Variants in XPR1 observed in about 807,000 individuals in gnomAD.
The protein encoded by XPR1 is xenotropic and polytropic retrovirus receptor 1.
XPR1 carries 28 observed loss-of-function variants against 87.5 expected under a neutral mutation model. The observed-to-expected ratio is 0.32, with a 90% CI of 0.24 to 0.44. The LOEUF (loss-of-function observed/expected upper bound fraction) is 0.44. Ranked by LOEUF, XPR1 falls within the 20% of genes least tolerant of loss-of-function variation. The pLI, the probability that XPR1 is intolerant of heterozygous loss-of-function variation, is 1.00. For synonymous variants in XPR1, 300 were observed against 306.1 expected, an observed-to-expected ratio of 0.98 and a Z score of 0.21; for missense variants, 559 against 862.3, an observed-to-expected ratio of 0.65 and a Z score of 4.41.
intron 1 of XPR1, among the ~76,000 whole-genome samples, chr1:180,659,811 C>A (rs6681637): frequency 0.053 from 8,095 of 151,968 alleles, 304 homozygotes; most frequent in Non-Finnish European, 0.079. Flanking sequence ...GCCACCACGC[C>A]CAGCCTAGTT....
chr1:180,825,369 C>G (rs777858571), intron 9 of XPR1, 25 bp downstream of exon 9: 2 of 1,596,302 alleles, frequency 1.3e-6, no homozygotes, highest in East Asian at 2.2e-5. Flanking sequence ...TTGTGTACCA[C>G]TTTTAGAGTG....
At chr1:180,818,740 T>C (rs565965640) in intron 7 of XPR1, among the ~76,000 whole-genome samples, 12 of 152,276 alleles carry the variant, frequency 7.9e-5, no homozygotes, top group Non-Finnish European at 1.8e-4. Flanking sequence ...CCCTGGAATT[T>C]TTTATGATGA....
intron 11 of XPR1, among the ~76,000 whole-genome samples, chr1:180,844,477 A>G (rs746601778): frequency 3.3e-5 from 5 of 152,318 alleles, no homozygotes; most frequent in Non-Finnish European, 5.9e-5. Flanking sequence ...TGCTAAGTAT[A>G]TGGTACTCTA....
chr1:180,641,839 G>A (rs1216926029), intron 1 of XPR1, among the ~76,000 whole-genome samples: 1 of 152,070 alleles, frequency 6.6e-6, no homozygotes, highest in Non-Finnish European at 1.5e-5. Context: ...TAAGAATATT[G>A]GCCTTCTGCT....
At chr1:180,690,518 C>A (rs1166581438) in intron 2 of XPR1, among the ~76,000 whole-genome samples, 1 of 152,060 alleles carries the variant, frequency 6.6e-6, no homozygotes, top group African/African-American at 2.4e-5. Flanking sequence ...GGTCTTAAAT[C>A]ATAAATGTCC....
At chr1:180,634,931 G>A (rs1654715715) in intron 1 of XPR1, among the ~76,000 whole-genome samples, 1 of 151,688 alleles carries the variant, frequency 6.6e-6, no homozygotes, top group South Asian at 2.1e-4. Context: ...TGCCTTTCCC[G>A]GGCTCGCTCT....
chr1:180,761,454 G>A (rs527247592), intron 2 of XPR1, among the ~76,000 whole-genome samples: 4 of 152,218 alleles, frequency 2.6e-5, no homozygotes, highest in Non-Finnish European at 4.4e-5. Context: ...TCAAAAAGTG[G>A]GCGAAGGATA....
intron 1 of XPR1, among the ~76,000 whole-genome samples, chr1:180,668,534 C>T (rs1212001207): frequency 1.3e-5 from 2 of 152,180 alleles, no homozygotes; most frequent in Non-Finnish European, 2.9e-5. Flanking sequence ...AATTTGAAAT[C>T]CATTCACAGC....
chr1:180,655,837 G>A (rs1655443062), intron 1 of XPR1, among the ~76,000 whole-genome samples: 1 of 151,700 alleles, frequency 6.6e-6, no homozygotes, highest in Non-Finnish European at 1.5e-5. Flanking sequence ...TTTTGTGGAT[G>A]CATAGTAGGT....
At chr1:180,742,907 G>T (rs1192343341) in intron 2 of XPR1, among the ~76,000 whole-genome samples, 2 of 151,834 alleles carry the variant, frequency 1.3e-5, no homozygotes, top group Non-Finnish European at 2.9e-5. Flanking sequence ...TGGTAATTTT[G>T]TTTACTTTGA....
At chr1:180,685,558 A>G (rs1370852224) in intron 2 of XPR1, among the ~76,000 whole-genome samples, 3 of 152,154 alleles carry the variant, frequency 2.0e-5, no homozygotes, top group Non-Finnish European at 4.4e-5. Context: ...TTCAGAAGGA[A>G]TGGTACCAGC....
intron 1 of XPR1, among the ~76,000 whole-genome samples, chr1:180,647,125 C>T (rs775391031): frequency 2.0e-5 from 3 of 152,236 alleles, no homozygotes; most frequent in African/African-American, 7.2e-5. Flanking sequence ...CCCTCGCATG[C>T]GCAGTTCACA....
chr1:180,750,460 T>G (rs1571797873), intron 2 of XPR1, among the ~76,000 whole-genome samples: 1 of 152,224 alleles, frequency 6.6e-6, no homozygotes, highest in East Asian at 1.9e-4. Context: ...AGTAATAGTG[T>G]TTTCCCCTAA....
rs1028094734 is a variant in XPR1, at chr1:180,726,141, C to T, written c.121+43730C>T. On this transcript the variant is annotated intron_variant, in intron 2 of 14. Coordinates refer to ENST00000367590, the MANE Select transcript of XPR1 (RefSeq NM_004736.4). The stretch of plus-strand genomic sequence containing the variant: ...AAGGATTGTAAATGCACGAATCAGC[C>T]CTCTGTAAAAAAACACCAATCAGCG... Among the ~76,000 whole-genome samples, 3 of 151,870 alleles carry T rather than the reference C, an allele frequency of 2.0e-5. No individual in the cohort carries two copies. The South Asian group carries it at 6.2e-4, about 32-fold the overall frequency.
intron 13 of XPR1, 147 bp from the exon 14 acceptor site, chr1:180,879,929 A>AAC: frequency 1.2e-6 from 1 of 816,216 alleles, no homozygotes; most frequent in African/African-American, 1.7e-5. Context: ...ACCTCCCCGC[A>AAC]ACACCATCTT....
intron 7 of XPR1, among the ~76,000 whole-genome samples, chr1:180,813,039 TTC>T (rs1491565122): frequency 2.5e-5 from 3 of 120,774 alleles, no homozygotes; most frequent in South Asian, 3.0e-4. Context: ...AGTGTCTTTT[TTC>T]CCCCCCCCCA....
intron 2 of XPR1, among the ~76,000 whole-genome samples, chr1:180,754,312 C>T (rs945124126): frequency 6.6e-6 from 1 of 151,986 alleles, no homozygotes; most frequent in Non-Finnish European, 1.5e-5. Flanking sequence ...ATACTTTCCC[C>T]TCTAGTTTTA....
At chr1:180,656,150 G>GT (rs1350047947) in intron 1 of XPR1, among the ~76,000 whole-genome samples, 7 of 149,936 alleles carry the variant, frequency 4.7e-5, no homozygotes, top group Non-Finnish European at 1.0e-4. Context: ...ATTTCCATGA[G>GT]TTCAATGGTT....
At chr1:180,827,153 CA>C (rs11324246) in intron 9 of XPR1, among the ~76,000 whole-genome samples, 25,129 of 67,066 alleles carry the variant, frequency 0.37, 1,928 homozygotes, top group Non-Finnish European at 0.4. Context: ...GACTCCTTCT[CA>C]AAAAAAAAAA....
Sources: gnomAD v4.1 joint callset for allele counts (sites outside exome capture counted in the v4.1 genomes callset) on GRCh38, gnomAD v4.1.1 for gene constraint, MANE v1.5 for transcripts, NCBI Gene and HGNC (gene_info 2026-07-23, HGNC 2026-07-21) for gene names.